RASSF3: variants seen among roughly 807,000 people sequenced by gnomAD.
The protein encoded by RASSF3 is ras association domain-containing protein 3.
A neutral mutation model predicts 19.9 loss-of-function variants in RASSF3; 19 were observed. That is an observed-to-expected ratio of 0.96 (90% CI 0.67 to 1.40). RASSF3 has a LOEUF of 1.40. Ranked by LOEUF, RASSF3 falls within the 40% of genes most tolerant of loss-of-function variation. The pLI is 0.00. For missense variants in RASSF3, 306 were observed against 289.8 expected (o/e 1.06, Z -0.41); for synonymous variants, 110 against 104.2 (o/e 1.06, Z -0.34).
intron 1 of RASSF3, among the ~76,000 whole-genome samples, chr12:64,626,694 T>C (rs1165745577): frequency 6.6e-6 from 1 of 152,040 alleles, no homozygotes; most frequent in East Asian, 1.9e-4. Flanking sequence ...CCTGAGTAGC[T>C]GGGACTAGAG....
chr12:64,595,015 T>C (rs1269025320), intron 2 of RASSF3, among the ~76,000 whole-genome samples: 6 of 146,248 alleles, frequency 4.1e-5, no homozygotes, highest in Non-Finnish European at 6.0e-5. Context: ...GCACACTACA[T>C]ACACACAAAC....
In RASSF3 at chr12:64,660,004, G is replaced by A. The variant is rs563899573; in HGVS notation, c.112-24783G>A. ...TGTGTATGTATGTGTATATGTGTGC[G>A]TGTATATATATGTGTGTGTGTGTAT... is the stretch of plus-strand genomic sequence containing the variant. On this transcript the variant is annotated intron_variant, in intron 1 of 4. Coordinates refer to ENST00000542104, the MANE Select transcript of RASSF3 (RefSeq NM_178169.4). Among the ~76,000 whole-genome samples, 9 of 78,294 alleles carry A rather than the reference G, an allele frequency of 1.1e-4. 1 individual carries two copies. In the South Asian group the frequency reaches 1.9e-3, roughly 16 times the overall value. The allele number at this position is 78,294 out of a possible 152,430, so 51.4% of individuals were successfully genotyped here.
At chr12:64,666,001 A>G (rs1186638629) in intron 1 of RASSF3, among the ~76,000 whole-genome samples, 1 of 152,236 alleles carries the variant, frequency 6.6e-6, no homozygotes, top group Admixed American at 6.5e-5. Flanking sequence ...AGGTATTTTT[A>G]TGTTCTTTTT....
At chr12:64,610,774 G>C (rs1230400623) in intron 1 of RASSF3, 31 bp downstream of exon 1, 1 of 1,469,908 alleles carries the variant, frequency 6.8e-7, no homozygotes, top group East Asian at 2.5e-5. Flanking sequence ...GCTGCAGCCC[G>C]CGCCCCAGAG....
intron 2 of RASSF3, among the ~76,000 whole-genome samples, chr12:64,564,408 G>A (rs1006327026): frequency 7.3e-5 from 11 of 150,982 alleles, no homozygotes; most frequent in Non-Finnish European, 1.3e-4. Flanking sequence ...TTGAAATAGA[G>A]TTTCACTCTT....
intron 2 of RASSF3, among the ~76,000 whole-genome samples, chr12:64,565,699 G>A (rs1425665296): frequency 2.0e-5 from 3 of 151,134 alleles, no homozygotes; most frequent in African/African-American, 7.3e-5. Context: ...GGGGACAAGA[G>A]CAAGACTCCA....
intron 2 of RASSF3, among the ~76,000 whole-genome samples, chr12:64,564,018 C>T (rs1408757418): frequency 6.6e-6 from 1 of 152,222 alleles, no homozygotes; most frequent in Non-Finnish European, 1.5e-5. Flanking sequence ...GGGTTCTCAA[C>T]AACGTGTGTG....
intron 2 of RASSF3, among the ~76,000 whole-genome samples, chr12:64,586,983 A>C (rs1869816046): frequency 6.6e-6 from 1 of 151,848 alleles, no homozygotes; most frequent in Non-Finnish European, 1.5e-5. Flanking sequence ...CATAAGTCAA[A>C]TGCTCTATCT....
At chr12:64,534,316 A>C (rs888688901) in intron 1 of RASSF3, among the ~76,000 whole-genome samples, 1 of 152,020 alleles carries the variant, frequency 6.6e-6, no homozygotes, top group Non-Finnish European at 1.5e-5. Flanking sequence ...CCATTTCTAC[A>C]ACAACGACAC....
intron 1 of RASSF3, among the ~76,000 whole-genome samples, chr12:64,678,034 GA>G (rs991606692): frequency 4.6e-5 from 7 of 152,150 alleles, no homozygotes; most frequent in African/African-American, 1.7e-4. Context: ...CTCTCCCAGA[GA>G]ATGTTTTTCT....
intron 1 of RASSF3, among the ~76,000 whole-genome samples, chr12:64,614,259 G>A (rs11175468): frequency 0.22 from 33,724 of 150,862 alleles, 4,200 homozygotes; most frequent in East Asian, 0.42. Flanking sequence ...TCAGCCTCCC[G>A]AGTAGCTGGG....
In RASSF3 at chr12:64,691,486, C is replaced by G; in HGVS notation, c.474C>G (p.Leu158=). The G allele has an allele frequency of 1.2e-6, 2 of 1,613,734 alleles. No individual in the cohort carries two copies. Among genetic ancestry groups the G allele is most frequent in the Non-Finnish European group, 1.7e-6 (2 of 1,179,616 alleles). The change falls in exon 4 of 5, where the codon CTC becomes CTG. Residue 158 remains leucine (L), a synonymous_variant. Coordinates refer to ENST00000542104, the MANE Select transcript of RASSF3 (RefSeq NM_178169.4). ...HREDQVYACK[L]SDREHPLYLR... ...TTTACCCAGTCTACGCCTGCAAGCT[C>G]TCAGACCGGGAACATCCACTCTACC...
intron 1 of RASSF3, among the ~76,000 whole-genome samples, chr12:64,665,925 G>GC (rs1415216426): frequency 2.0e-5 from 3 of 152,224 alleles, no homozygotes; most frequent in African/African-American, 7.2e-5. Flanking sequence ...GATGATGGTA[G>GC]CCAGCCAGAT....
At chr12:64,579,679 C>G (rs904972720) in intron 2 of RASSF3, among the ~76,000 whole-genome samples, 2 of 151,892 alleles carry the variant, frequency 1.3e-5, no homozygotes, top group Non-Finnish European at 2.9e-5. Flanking sequence ...TAATAAACAA[C>G]TTTTTATTAA....
intron 1 of RASSF3, among the ~76,000 whole-genome samples, chr12:64,683,645 T>C (rs1005231074): frequency 2.6e-5 from 4 of 152,212 alleles, no homozygotes; most frequent in Admixed American, 6.5e-5. Context: ...TTAACTGCTG[T>C]ACTTTTTGCC....
exon 1 of RASSF3, chr12:64,507,326 G>T (rs1868297895): frequency 2.5e-6 from 1 of 398,582 alleles, no homozygotes; most frequent in Non-Finnish European, 4.4e-6. Flanking sequence ...GAGCCAAGGT[G>T]GGGGTAAGTT....
intron 1 of RASSF3, among the ~76,000 whole-genome samples, chr12:64,669,693 A>ACGGCCAGGGTTGGGAGTC (rs1319507965): frequency 6.6e-6 from 1 of 151,630 alleles, no homozygotes; most frequent in African/African-American, 2.4e-5. Flanking sequence ...GCAGCAGACC[A>ACGGCCAGGGTTGGGAGTC]CGGCCAGGGT....
intron 1 of RASSF3, among the ~76,000 whole-genome samples, chr12:64,650,408 C>CTTTTTTTTTTTTT (rs67304103): frequency 3.0e-4 from 26 of 85,468 alleles, no homozygotes; most frequent in Non-Finnish European, 4.6e-4. Context: ...TTTTTTTTTC[C>CTTTTTTTTTTTTT]TTTTTTTTTT....
At chr12:64,602,684 G>A (rs1393405424) in intron 2 of RASSF3, among the ~76,000 whole-genome samples, 2 of 151,948 alleles carry the variant, frequency 1.3e-5, no homozygotes, top group Non-Finnish European at 2.9e-5. Flanking sequence ...CCAGGAGTTC[G>A]AGGCCAGCCT....
Sources: allele counts gnomAD v4.1 joint callset (sites outside exome capture counted in the v4.1 genomes callset), GRCh38; gene constraint gnomAD v4.1.1; transcripts MANE v1.5; gene names NCBI Gene and HGNC (gene_info 2026-07-23, HGNC 2026-07-21).